CELF2: variants seen among roughly 807,000 people sequenced by gnomAD.
CELF2 encodes the protein CUGBP Elav-like family member 2.
In CELF2, 8 loss-of-function variants were observed where a neutral mutation model predicts 62.6. The observed-to-expected ratio is 0.13, with a 90% confidence interval of 0.07 to 0.23. The LOEUF (loss-of-function observed/expected upper bound fraction) is 0.23, where lower values mean the gene tolerates loss of function less well. Ranked by LOEUF, CELF2 falls within the 10% of genes least tolerant of loss-of-function variation. CELF2 has a pLI of 1.00. For synonymous variants in CELF2, 258 were observed against 250.0 expected (o/e 1.03, Z -0.30); for missense variants, 333 against 671.0 (o/e 0.50, Z 5.56).
the CELF2 span, among the ~76,000 whole-genome samples, chr10:10,719,544 G>C: frequency 6.6e-6 from 1 of 152,146 alleles, no homozygotes; most frequent in Non-Finnish European, 1.5e-5. Context: ...GTCATTGTAA[G>C]AGTCAGCCAC....
intron 1 of CELF2, among the ~76,000 whole-genome samples, chr10:10,916,538 G>A (rs2064341547): frequency 6.6e-6 from 1 of 152,202 alleles, no homozygotes; most frequent in African/African-American, 2.4e-5. Flanking sequence ...CTTTGAATGT[G>A]TGATTCACTG....
chr10:10,567,595 A>T, the CELF2 span, among the ~76,000 whole-genome samples: 1 of 152,226 alleles, frequency 6.6e-6, no homozygotes, highest in South Asian at 2.1e-4. Context: ...ACCTGAGATG[A>T]GGCAAAGGGG....
intron 1 of CELF2, among the ~76,000 whole-genome samples, chr10:11,052,916 C>G (rs2064246944): frequency 6.6e-6 from 1 of 152,190 alleles, no homozygotes; most frequent in Non-Finnish European, 1.5e-5. Flanking sequence ...CTGGTCCATA[C>G]TAACTTTTCA....
intron 3 of CELF2, among the ~76,000 whole-genome samples, chr10:11,221,731 C>T (rs1476559691): frequency 6.6e-6 from 1 of 152,196 alleles, no homozygotes; most frequent in African/African-American, 2.4e-5. Flanking sequence ...ATATTAATTG[C>T]AAATTTCTTC....
chr10:10,824,834 A>G (rs1295215128), intron 1 of CELF2, among the ~76,000 whole-genome samples: 1 of 152,196 alleles, frequency 6.6e-6, no homozygotes, highest in Non-Finnish European at 1.5e-5. Flanking sequence ...TTCTCATGGA[A>G]CGTTAACTCT....
chr10:10,701,440 TCTTATCACC>T, the CELF2 span, among the ~76,000 whole-genome samples: 1 of 152,218 alleles, frequency 6.6e-6, no homozygotes, highest in African/African-American at 2.4e-5. Context: ...TCCATCACTC[TCTTATCACC>T]CAATAGCTGA....
intron 2 of CELF2, among the ~76,000 whole-genome samples, chr10:11,174,779 A>G (rs1565092562): frequency 6.6e-6 from 1 of 152,198 alleles, no homozygotes; most frequent in Non-Finnish European, 1.5e-5. Flanking sequence ...AAGTTCATGA[A>G]TTGCTGCTAT....
chr10:11,085,136 A>G (rs2046359947), intron 1 of CELF2, among the ~76,000 whole-genome samples: 1 of 152,226 alleles, frequency 6.6e-6, no homozygotes, highest in Admixed American at 6.5e-5. Flanking sequence ...TTTAATCATC[A>G]TGCTGTTCTT....
At chr10:10,880,004 A>T (rs1183566750) in intron 1 of CELF2, among the ~76,000 whole-genome samples, 2 of 152,250 alleles carry the variant, frequency 1.3e-5, no homozygotes, top group Admixed American at 1.3e-4. Context: ...AAATCCATTT[A>T]GCAAATATTT....
chr10:10,696,774 C>T, the CELF2 span, among the ~76,000 whole-genome samples: 4 of 152,202 alleles, frequency 2.6e-5, no homozygotes, highest in South Asian at 2.1e-4. Flanking sequence ...TTCCAGGTGC[C>T]GTCCGTCACC....
chr10:10,489,509 A>G, the CELF2 span, among the ~76,000 whole-genome samples: 3 of 152,112 alleles, frequency 2.0e-5, no homozygotes, highest in African/African-American at 7.2e-5. Flanking sequence ...AATCATTTCA[A>G]TTAGCTCTCC....
chr10:11,283,644 T>C (rs73581237), intron 8 of CELF2, among the ~76,000 whole-genome samples: 10,443 of 150,576 alleles, frequency 0.069, 554 homozygotes, highest in African/African-American at 0.13. Context: ...GGATGCATGG[T>C]TGATGGACGA....
At chr10:10,980,245 G>T (rs1430168225) in intron 2 of CELF2, among the ~76,000 whole-genome samples, 3 of 152,200 alleles carry the variant, frequency 2.0e-5, no homozygotes, top group African/African-American at 7.2e-5. Context: ...CTCTGCTGGT[G>T]CTCCACTTTG....
the CELF2 span, among the ~76,000 whole-genome samples, chr10:10,505,943 A>G: frequency 6.6e-6 from 1 of 152,278 alleles, no homozygotes; most frequent in South Asian, 2.1e-4. Context: ...TAGATGGTCT[A>G]CCACCTTCTT....
chr10:10,760,497 CAAGCAAGTCACGTCG>C, the CELF2 span, among the ~76,000 whole-genome samples: 2 of 152,144 alleles, frequency 1.3e-5, no homozygotes, highest in African/African-American at 4.8e-5. Flanking sequence ...TCAGAAGATG[CAAGCAAGTCACGTCG>C]ATACAGTTTA....
the CELF2 span, among the ~76,000 whole-genome samples, chr10:10,777,703 C>G: frequency 6.6e-6 from 1 of 152,160 alleles, no homozygotes; most frequent in Non-Finnish European, 1.5e-5. Flanking sequence ...ATTTGCCCCT[C>G]TGCTGAAATC....
the CELF2 span, among the ~76,000 whole-genome samples, chr10:10,539,127 T>G: frequency 6.6e-6 from 1 of 152,252 alleles, no homozygotes; most frequent in Non-Finnish European, 1.5e-5. Flanking sequence ...GAATCACTGA[T>G]GAACTGGTTA....
intron 1 of CELF2, among the ~76,000 whole-genome samples, chr10:11,109,975 T>G (rs1423659227): frequency 6.6e-6 from 1 of 152,152 alleles, no homozygotes; most frequent in Non-Finnish European, 1.5e-5. Flanking sequence ...AAAATGAACC[T>G]GGGCTGGAAG....
chr10:10,479,675 G>A, the CELF2 span, among the ~76,000 whole-genome samples: 1 of 152,146 alleles, frequency 6.6e-6, no homozygotes, highest in Non-Finnish European at 1.5e-5. Context: ...ACAGACCTCA[G>A]TTTAGGTCCT....
Sources: gnomAD v4.1 joint callset for allele counts (sites outside exome capture counted in the v4.1 genomes callset) on GRCh38, gnomAD v4.1.1 for gene constraint, MANE v1.5 for transcripts, NCBI Gene and HGNC (gene_info 2026-07-23, HGNC 2026-07-21) for gene names.